LCT: variants seen among roughly 807,000 people sequenced by gnomAD.
LCT encodes the protein lactase/phlorizin hydrolase.
LCT carries 90 observed loss-of-function variants against 173.0 expected under a neutral mutation model. The ratio of observed to expected loss-of-function variants is 0.52; its 90% CI spans 0.44 to 0.62. The LOEUF is 0.62. Ranked by LOEUF, LCT falls within the 20% of genes least tolerant of loss-of-function variation. LCT has a pLI of 0.00. For synonymous variants in LCT, 853 were observed against 957.6 expected (o/e 0.89, Z 2.02); for missense variants, 1,864 against 2,431.4 (o/e 0.77, Z 4.91).
At chr2:135,821,511 C>T (rs916100582) in intron 5 of LCT, among the ~76,000 whole-genome samples, 1 of 152,204 alleles carries the variant, frequency 6.6e-6, no homozygotes, top group African/African-American at 2.4e-5. Context: ...AACTAGAAGG[C>T]AGGAGTTCAA....
At chr2:135,831,691 T>TC (rs1455414927) in intron 2 of LCT, among the ~76,000 whole-genome samples, 2 of 152,176 alleles carry the variant, frequency 1.3e-5, no homozygotes, top group African/African-American at 4.8e-5. Context: ...CAGAACCTTA[T>TC]CAGTCTTGGT....
chr2:135,808,825 G>C lies in LCT; in HGVS notation c.3522C>G (p.Asn1174Lys). 1 of 1,614,152 alleles carries C rather than the reference G, an allele frequency of 6.2e-7. No individual in the cohort carries two copies. Among genetic ancestry groups the C allele is most frequent in the Non-Finnish European group, 8.5e-7 (1 of 1,179,998 alleles). Reference sequence around the variant, plus strand: ...TGGCTAAGTGCTGCAGTTCACTCCTGTTCCCCACTTTCCACTTCATGGTGT... The same window carrying C: ...TGGCTAAGTGCTGCAGTTCACTCCTCTTCCCCACTTTCCACTTCATGGTGT... Reference protein sequence around the residue: ...YPDTMKWKVGNRSELQHLATS... With the variant: ...YPDTMKWKVGKRSELQHLATS... Residue 1174 changes from asparagine to lysine, a missense_variant, in exon 8 of 17, where the codon AAC (asparagine) becomes AAG (lysine). Physicochemically the swap from Asn to Lys is moderately conservative, Grantham distance 94. Coordinates refer to ENST00000264162, the MANE Select transcript of LCT (RefSeq NM_002299.4).
intron 7 of LCT, among the ~76,000 whole-genome samples, chr2:135,811,026 C>CAA (rs1017659333): frequency 1.1e-4 from 14 of 125,090 alleles, no homozygotes; most frequent in Non-Finnish European, 2.2e-4. Context: ...GACTCCGTCT[C>CAA]AAAAAAAAAA....
rs145827881 is a variant in LCT, at chr2:135,789,743, A to G, written c.5391T>C (p.Asn1797=). Residue 1797 remains asparagine, a synonymous_variant, in exon 16 of 17, where the codon AAT becomes AAC. Transcript: ENST00000264162. ...CTGAAAAGCCTGTGGCCCACTCAAA[A>G]TTGTCCATCGCACTCCAAACTGTGT... ...RGYTVWSAMD[N]FEWATGFSER... The G allele has an allele frequency of 5.2e-5, 84 of 1,614,092 alleles. No individual in the cohort carries two copies. The highest frequency in any genetic ancestry group is 6.4e-5 in the Non-Finnish European group (75 of 1,180,034).
intron 7 of LCT, among the ~76,000 whole-genome samples, chr2:135,811,612 G>C (rs552447146): frequency 6.6e-6 from 1 of 151,602 alleles, no homozygotes; most frequent in East Asian, 1.9e-4. Flanking sequence ...GAGTCCGGAG[G>C]ATCACTAGAG....
intron 6 of LCT, among the ~76,000 whole-genome samples, chr2:135,816,614 A>G (rs1413860069): frequency 6.6e-6 from 1 of 152,156 alleles, no homozygotes; most frequent in Non-Finnish European, 1.5e-5. Flanking sequence ...CTGAATGTGT[A>G]AATTCTCTCC....
At chr2:135,835,533 A>G (rs1241722929) in intron 1 of LCT, among the ~76,000 whole-genome samples, 4 of 96,188 alleles carry the variant, frequency 4.2e-5, no homozygotes, top group South Asian at 7.0e-4. Flanking sequence ...TATATATATC[A>G]GGTACTATAT....
chr2:135,831,686 C>T (rs1447750062), intron 2 of LCT, among the ~76,000 whole-genome samples: 1 of 152,186 alleles, frequency 6.6e-6, no homozygotes, highest in African/African-American at 2.4e-5. Flanking sequence ...CCCTCCAGAA[C>T]CTTATCAGTC....
chr2:135,821,696 C>T, intron 5 of LCT: 1 of 349,308 alleles, frequency 2.9e-6, no homozygotes, highest in Non-Finnish European at 5.4e-6. Flanking sequence ...CACCATGTTG[C>T]CCAGCCCAGT....
chr2:135,809,413 G>A lies in LCT; in HGVS notation c.2934C>T (p.Ile978=), dbSNP rs1374469111. ...ALKVKAYRFS[I]SWSRIFPTGR... Reference sequence around the variant, plus strand: ...CAGTTGGGAAAATCCGAGACCAGGAGATAGAGAAGCGGTAGGCCTTCACCT... The same window carrying A: ...CAGTTGGGAAAATCCGAGACCAGGAAATAGAGAAGCGGTAGGCCTTCACCT... Residue 978 remains isoleucine (I), a synonymous_variant, in exon 8 of 17, where the codon ATC becomes ATT. Coordinates refer to ENST00000264162, the MANE Select transcript of LCT (RefSeq NM_002299.4). The surrounding 1 kb of genome is among the most constrained non-coding windows in gnomAD (Gnocchi z 5.5). 5 of 1,614,224 alleles carry A rather than the reference G, an allele frequency of 3.1e-6. 1 individual carries two copies. In the South Asian group the frequency reaches 3.3e-5, roughly 11 times the overall value.
At chr2:135,814,599 C>T (rs1468965056) in intron 6 of LCT, among the ~76,000 whole-genome samples, 1 of 151,894 alleles carries the variant, frequency 6.6e-6, no homozygotes, top group Non-Finnish European at 1.5e-5. Context: ...TCACCACAAC[C>T]TCTACCTCCT....
chr2:135,807,275 C>T lies in LCT; in HGVS notation c.4026G>A (p.Thr1342=), dbSNP rs150640616. ...FGLYHVDFNN[T]NRPRTARASA... Reference sequence around the variant, plus strand: ...AGGCTCTTGCTGTGCGAGGCCTGTTCGTGTTGTTGAAATCAACATGGTACA... The same window carrying T: ...AGGCTCTTGCTGTGCGAGGCCTGTTTGTGTTGTTGAAATCAACATGGTACA... Residue 1342 remains threonine (T), a synonymous_variant, in exon 9 of 17, where the codon ACG becomes ACA. Coordinates refer to ENST00000264162, the MANE Select transcript of LCT (RefSeq NM_002299.4). 7.0e-4 allele frequency: 1,127 copies of T among 1,614,156 alleles called. 7 individuals carry two copies. The highest frequency in any genetic ancestry group is 8.0e-4 in the Non-Finnish European group (945 of 1,180,034).
In LCT at chr2:135,807,296, G is replaced by A. The variant is rs759351211; in HGVS notation, c.4005C>T (p.Tyr1335=). The change falls in exon 9 of 17, where the codon TAC becomes TAT. Residue 1335 remains tyrosine (Y), a synonymous_variant. Coordinates refer to ENST00000264162, the MANE Select transcript of LCT (RefSeq NM_002299.4). ...LNGYTVKFGL[Y]HVDFNNTNRP... ...TGTTCGTGTTGTTGAAATCAACATG[G>A]TACAGTCCAAACTTGACCGTGTAGC... 5 of 1,614,042 alleles carry A rather than the reference G, an allele frequency of 3.1e-6. No individual in the cohort carries two copies. The East Asian group carries it at 1.1e-4, about 36-fold the overall frequency.
chr2:135,801,407 T>C (rs974270429), intron 11 of LCT, among the ~76,000 whole-genome samples: 1 of 152,056 alleles, frequency 6.6e-6, no homozygotes, highest in African/African-American at 2.4e-5. Flanking sequence ...GTACAAATGA[T>C]TTTTTAAAAC....
rs753310680 is a variant in LCT at position 135,808,605 on chromosome 2, C to A, written c.3742G>T (p.Ala1248Ser). ...AGCCTTCGCGTCCCCCAGGGCGCAG[C>A]TCTGTTCATTGCCGTGGAAGGCCAC... ...PSWPSTAMNR[A>S]APWGTRRLLN... The change falls in exon 8 of 17, where the codon GCT (alanine) becomes TCT (serine). Residue 1248 changes from alanine to serine, a missense_variant. This residue lies in a region of LCT where 755 missense variants were observed against 926.3 expected (regional missense o/e 0.82). Coordinates refer to ENST00000264162, the MANE Select transcript of LCT (RefSeq NM_002299.4). The A allele has an allele frequency of 1.9e-6, 3 of 1,614,138 alleles. No individual in the cohort carries two copies. The highest frequency in any genetic ancestry group is 2.7e-5 in the African/African-American group (2 of 74,950).
intron 16 of LCT, 62 bp from the exon 17 acceptor site, chr2:135,788,606 G>C: frequency 1.9e-6 from 2 of 1,079,246 alleles, no homozygotes; most frequent in South Asian, 1.2e-5. Flanking sequence ...TCAGATCTCT[G>C]AGACCCCAGC....
At chr2:135,795,029 A>G (rs1354362873) in intron 13 of LCT, among the ~76,000 whole-genome samples, 3 of 88,520 alleles carry the variant, frequency 3.4e-5, no homozygotes, top group Non-Finnish European at 6.6e-5. Flanking sequence ...ACACACACGC[A>G]CCCACGCGCG....
rs1395939285 is a variant in LCT at position 135,836,971 on chromosome 2, G to A, written c.199C>T (p.Pro67Ser). Reference protein sequence around the residue: ...GDKDMYVCHQPLPTFLPEYFS... With the variant: ...GDKDMYVCHQSLPTFLPEYFS... ...TATTCTGGCAGGAAAGTGGGCAGTG[G>A]CTGGTGACAAACATACATGTCTTTG... is the stretch of plus-strand genomic sequence containing the variant. The change falls in exon 1 of 17, where the codon CCA (proline) becomes TCA (serine). Residue 67 changes from proline to serine, a missense_variant. Transcript: ENST00000264162. 3.7e-6 allele frequency: 6 copies of A among 1,614,082 alleles called. No individual in the cohort carries two copies. The highest frequency in any genetic ancestry group is 1.1e-5 in the South Asian group (1 of 91,072).
In LCT at chr2:135,794,866, G is replaced by A. The variant is rs2077567572; in HGVS notation, c.4977-91C>T. 1.2e-5 allele frequency: 17 copies of A among 1,456,930 alleles called. No individual in the cohort carries two copies. In the South Asian group the frequency reaches 1.3e-4, roughly 11 times the overall value. 90.3% of individuals were successfully genotyped at this position (1,456,930 alleles called of 1,614,324 possible). On this transcript the variant is annotated intron_variant, in intron 13 of 16. Coordinates refer to ENST00000264162, the MANE Select transcript of LCT (RefSeq NM_002299.4). ...TAGGGCTGGGGCGGGGGAGCTCTCC[G>A]AACCCCAGGCACTTGGCAGTGAGTA... is the stretch of plus-strand genomic sequence containing the variant.
Sources: allele counts gnomAD v4.1 joint callset (sites outside exome capture counted in the v4.1 genomes callset), GRCh38; gene constraint gnomAD v4.1.1; regional missense constraint gnomAD v4.1.1; non-coding constraint Gnocchi (gnomAD v3.1); transcripts MANE v1.5; gene names NCBI Gene and HGNC (gene_info 2026-07-23, HGNC 2026-07-21).